MYO9A: variants seen among roughly 807,000 people sequenced by gnomAD.
MYO9A encodes the protein myosin IXA.
In MYO9A, 103 loss-of-function variants were observed where a neutral mutation model predicts 293.3. The observed-to-expected ratio is 0.35, with a 90% CI of 0.30 to 0.41. The LOEUF (loss-of-function observed/expected upper bound fraction) is 0.41. Ranked by LOEUF, MYO9A falls within the 10% of genes least tolerant of loss-of-function variation. MYO9A has a pLI of 1.00. For missense variants in MYO9A, 2,685 were observed against 3,033.0 expected, an observed-to-expected ratio of 0.89 and a Z score of 2.69; for synonymous variants, 1,001 against 1,035.7, an observed-to-expected ratio of 0.97 and a Z score of 0.64.
chr15:72,083,365 C>A (rs1209403727), intron 1 of MYO9A, among the ~76,000 whole-genome samples: 1 of 151,980 alleles, frequency 6.6e-6, no homozygotes, highest in African/African-American at 2.4e-5. Context: ...GTGGTAATAG[C>A]CCTTTTGTTG....
rs536544970 is a variant in MYO9A, at chr15:71,911,130, A to G, written c.2685+5240T>C. ...AACTACCAATCTGCTTCCTGCTGCT[A>G]TAAACTATCTTTTAAAAAAATACAT... is the stretch of plus-strand genomic sequence containing the variant. On this transcript the variant is annotated intron_variant, in intron 19 of 41. Transcript: ENST00000356056. Among the ~76,000 whole-genome samples, 114 of 152,294 alleles carry G rather than the reference A, an allele frequency of 7.5e-4. 3 individuals carry two copies. In the South Asian group the frequency reaches 0.022, roughly 30 times the overall value.
chr15:72,079,002 TA>T (rs2079455333), intron 1 of MYO9A, among the ~76,000 whole-genome samples: 1 of 152,198 alleles, frequency 6.6e-6, no homozygotes, highest in Non-Finnish European at 1.5e-5. Context: ...ATGAGATTTT[TA>T]AGGCAGTGAA....
At chr15:72,069,396 T>G (rs1269476902) in intron 1 of MYO9A, among the ~76,000 whole-genome samples, 1 of 152,182 alleles carries the variant, frequency 6.6e-6, no homozygotes, top group African/African-American at 2.4e-5. Context: ...GAATATTTTT[T>G]TGTCTTTCCA....
Position 72,045,832 on chromosome 15 carries a change from C to A in MYO9A, c.732G>T (p.Gly244=), listed in dbSNP as rs768085896. ...CIVISGESGS[G]KTQSTNFLIH... ...TAAGAAAGTTTGTGCTTTGAGTCTT[C>A]CCAGAACCACTCTCTCCTGAAATCA... The change falls in exon 2 of 42, where the codon GGG becomes GGT. Residue 244 remains glycine (G), a synonymous_variant. Coordinates refer to ENST00000356056, the MANE Select transcript of MYO9A (RefSeq NM_006901.4). 6.2e-7 allele frequency: 1 copy of A among 1,614,172 alleles called. No individual in the cohort carries two copies. The highest frequency in any genetic ancestry group is 1.1e-5 in the South Asian group (1 of 91,084).
rs2054339298 is a variant in MYO9A at position 71,823,160 on chromosome 15, G to C, written c.*3420C>G. 6.6e-6 allele frequency: 1 copy of C among 152,014 alleles called. No individual in the cohort carries two copies. The highest frequency in any genetic ancestry group is 2.1e-4 in the South Asian group (1 of 4,818). 9.4% of individuals were successfully genotyped at this position (152,014 alleles called of 1,614,324 possible). ...GAGTATGTATGTTTCTTTTTAAAAT[G>C]AAAACTCTCTTAGCTTTGAACACAT... On this transcript the variant is annotated 3_prime_UTR_variant, in exon 42 of 42. Coordinates refer to ENST00000356056, the MANE Select transcript of MYO9A (RefSeq NM_006901.4).
rs1555464540 is a variant in MYO9A, at chr15:71,861,691, A to AAAAC, written c.6091+808_6091+809insGTTT. 5.4e-5 allele frequency among the ~76,000 whole-genome samples: 8 copies of AAAAC among 148,402 alleles called. No homozygotes were observed. In the East Asian group the frequency reaches 7.9e-4, roughly 15 times the overall value. On this transcript the variant is annotated intron_variant, in intron 33 of 41. Coordinates refer to ENST00000356056, the MANE Select transcript of MYO9A (RefSeq NM_006901.4). The stretch of plus-strand genomic sequence containing the variant: ...GGCACTGATGATATAAAAAAAAAAA[A>AAAAC]AAAAAAAAAACAAATAAGTTTCCTG...
intron 39 of MYO9A, among the ~76,000 whole-genome samples, chr15:71,831,113 G>A (rs1196490316): frequency 6.6e-6 from 1 of 151,526 alleles, no homozygotes; most frequent in Non-Finnish European, 1.5e-5. Context: ...GCACTGAAGA[G>A]CTAACAAGAT....
chr15:72,066,327 A>T (rs2079020107), intron 1 of MYO9A, among the ~76,000 whole-genome samples: 2 of 152,010 alleles, frequency 1.3e-5, no homozygotes, highest in Admixed American at 1.3e-4. Context: ...CTCTACTAAA[A>T]CTACAATAAT....
chr15:71,884,058 C>T (rs1011913521), intron 27 of MYO9A, among the ~76,000 whole-genome samples: 1 of 152,066 alleles, frequency 6.6e-6, no homozygotes, highest in African/African-American at 2.4e-5. Context: ...AGAATTCTAA[C>T]TCAAGTTTTC....
chr15:72,067,671 T>C (rs1398011996), intron 1 of MYO9A, among the ~76,000 whole-genome samples: 7 of 152,240 alleles, frequency 4.6e-5, no homozygotes, highest in Non-Finnish European at 1.0e-4. Flanking sequence ...ACATGGAGAC[T>C]AGACTATAAC....
chr15:71,830,169 G>A lies in MYO9A; in HGVS notation c.6980C>T (p.Ala2327Val), dbSNP rs1447590762. The A allele has an allele frequency of 1.2e-5, 19 of 1,613,968 alleles. No homozygotes were observed. Among genetic ancestry groups the A allele is most frequent in the Non-Finnish European group, 1.6e-5 (19 of 1,180,014 alleles). ...METDITEQQQ[A>V]AMQQEERVLT... is the part of the protein sequence containing the mutation. Reference sequence around the variant, plus strand: ...TACTCTCTCCTCCTGCTGCATAGCTGCTTGCTGCTGTTCTGTGATGTCAGT... The same window carrying A: ...TACTCTCTCCTCCTGCTGCATAGCTACTTGCTGCTGTTCTGTGATGTCAGT... Residue 2327 changes from alanine (A) to valine (V), a missense_variant, in exon 40 of 42, where the codon GCA (alanine) becomes GTA (valine). Transcript: ENST00000356056.
intron 13 of MYO9A, among the ~76,000 whole-genome samples, chr15:71,963,736 A>T (rs1596292520): frequency 6.6e-6 from 1 of 152,164 alleles, no homozygotes; most frequent in African/African-American, 2.4e-5. Context: ...ACAGGCGTGA[A>T]GTTATGACTT....
rs2054464300 is a variant in MYO9A, at chr15:71,825,929, CACTGTATAACAAG to C, written c.*638_*650del. On this transcript the variant is annotated 3_prime_UTR_variant, in exon 42 of 42. Transcript: ENST00000356056. ...CAAAAAAAATAGGTATTCTCTTCTT[CACTGTATAACAAG>C]ATATCTGAGACACGCTCTGATGGCT... is the stretch of plus-strand genomic sequence containing the variant. 6.6e-6 allele frequency: 1 copy of C among 150,832 alleles called. No individual in the cohort carries two copies. The highest frequency in any genetic ancestry group is 6.6e-5 in the Admixed American group (1 of 15,134). The allele number at this position is 150,832 out of a possible 1,614,324, so 9.3% of individuals were successfully genotyped here.
At chr15:71,965,142 T>C (rs796847623) in intron 13 of MYO9A, among the ~76,000 whole-genome samples, 43 of 151,914 alleles carry the variant, frequency 2.8e-4, no homozygotes, top group African/African-American at 1.0e-3. Context: ...GTAATTTATA[T>C]TGTCATTTCT....
intron 6 of MYO9A, among the ~76,000 whole-genome samples, chr15:72,014,283 G>T (rs1382808967): frequency 6.6e-6 from 1 of 152,156 alleles, no homozygotes; most frequent in Non-Finnish European, 1.5e-5. Flanking sequence ...TTTCTTAAGT[G>T]ATCTCCAGCA....
chr15:72,014,045 G>A lies in MYO9A; in HGVS notation c.1156-3598C>T, dbSNP rs149810390. On this transcript the variant is annotated intron_variant, in intron 6 of 41. Coordinates refer to ENST00000356056, the MANE Select transcript of MYO9A (RefSeq NM_006901.4). ...TGGTCTTAAACTCTTGGGCTCAAGT[G>A]ATCTGCCTAGCTCAGCCTTGCAAAG... Among the ~76,000 whole-genome samples, 221 of 152,292 alleles carry A rather than the reference G, an allele frequency of 1.5e-3. 2 individuals carry two copies. The highest frequency in any genetic ancestry group is 5.0e-3 in the African/African-American group (209 of 41,540).
intron 39 of MYO9A, among the ~76,000 whole-genome samples, chr15:71,839,945 G>A (rs904465109): frequency 5.9e-5 from 9 of 152,072 alleles, no homozygotes; most frequent in Non-Finnish European, 1.3e-4. Context: ...AAGTAGTTAT[G>A]AAACTCTTTC....
At chr15:72,059,535 C>T (rs1225638252) in intron 1 of MYO9A, among the ~76,000 whole-genome samples, 1 of 152,074 alleles carries the variant, frequency 6.6e-6, no homozygotes, top group Non-Finnish European at 1.5e-5. Flanking sequence ...CTTGTTTTAG[C>T]CTATTACGTT....
chr15:72,101,525 C>T (rs2080322389), intron 1 of MYO9A, among the ~76,000 whole-genome samples: 1 of 125,208 alleles, frequency 8.0e-6, no homozygotes, highest in African/African-American at 3.0e-5. Flanking sequence ...GGGGGGTCAG[C>T]CCCCCGCCCG....
Sources: allele counts gnomAD v4.1 joint callset (sites outside exome capture counted in the v4.1 genomes callset), GRCh38; gene constraint gnomAD v4.1.1; transcripts MANE v1.5; gene names NCBI Gene and HGNC (gene_info 2026-07-23, HGNC 2026-07-21).